The following SEL1L2 variants were observed in gnomAD, a reference collection of about 807,000 sequenced individuals.
The protein encoded by SEL1L2 is protein sel-1 homolog 2.
In SEL1L2, 89 loss-of-function variants were observed where a neutral mutation model predicts 98.8. That is an observed-to-expected ratio of 0.90 (90% CI 0.76 to 1.07). SEL1L2 has a LOEUF of 1.07. SEL1L2 is among the 50% of genes least tolerant of loss of function. SEL1L2 has a pLI of 0.00. For missense variants in SEL1L2, 788 were observed against 812.0 expected, an observed-to-expected ratio of 0.97 and a Z score of 0.36; for synonymous variants, 262 against 278.5, an observed-to-expected ratio of 0.94 and a Z score of 0.59.
intron 1 of SEL1L2, among the ~76,000 whole-genome samples, chr20:13,966,612 G>A (rs1313591928): frequency 3.3e-5 from 5 of 152,062 alleles, no homozygotes; most frequent in African/African-American, 4.8e-5. Flanking sequence ...GAGCCACTGC[G>A]CCTGGCCACC....
At chr20:13,981,166 C>T (rs1238553177) in intron 1 of SEL1L2, among the ~76,000 whole-genome samples, 3 of 152,084 alleles carry the variant, frequency 2.0e-5, no homozygotes, top group Non-Finnish European at 4.4e-5. Context: ...CACTTGAACT[C>T]GGGAGGTGGA....
At chr20:13,879,370 G>C (rs897926330) in intron 10 of SEL1L2, among the ~76,000 whole-genome samples, 5 of 151,776 alleles carry the variant, frequency 3.3e-5, no homozygotes, top group African/African-American at 1.2e-4. Context: ...AAATTTTTTT[G>C]AGACAGAGTC....
chr20:13,888,039 CAG>C (rs757244871), intron 6 of SEL1L2, 38 bp from the exon 7 acceptor site: 1 of 1,573,016 alleles, frequency 6.4e-7, no homozygotes, highest in Non-Finnish European at 8.7e-7. Flanking sequence ...CCCCCCAAAC[CAG>C]GTTGGCCATT....
intron 2 of SEL1L2, among the ~76,000 whole-genome samples, chr20:13,953,590 T>A (rs1347538382): frequency 6.6e-6 from 1 of 152,132 alleles, no homozygotes; most frequent in Non-Finnish European, 1.5e-5. Flanking sequence ...ATGAGGTGAA[T>A]CCTTGGGAAG....
At chr20:13,856,766 T>A (rs1989232389) in intron 18 of SEL1L2, among the ~76,000 whole-genome samples, 2 of 152,272 alleles carry the variant, frequency 1.3e-5, no homozygotes, top group Admixed American at 1.3e-4. Flanking sequence ...AGGTCTTAAA[T>A]GTCTGCATGT....
At chr20:13,964,852 C>T (rs1350316789) in intron 1 of SEL1L2, among the ~76,000 whole-genome samples, 3 of 152,094 alleles carry the variant, frequency 2.0e-5, no homozygotes, top group Admixed American at 2.0e-4. Flanking sequence ...TTGTCTCATT[C>T]AATGACATCT....
At chr20:13,861,115 CTTTT>C (rs1046783082) in intron 17 of SEL1L2, among the ~76,000 whole-genome samples, 9 of 152,214 alleles carry the variant, frequency 5.9e-5, no homozygotes, top group Admixed American at 2.6e-4. Context: ...TCAAACCCTT[CTTTT>C]ATCTTCACTT....
chr20:13,989,721 T>C (rs1362974878), intron 1 of SEL1L2, among the ~76,000 whole-genome samples: 1 of 152,260 alleles, frequency 6.6e-6, no homozygotes, highest in African/African-American at 2.4e-5. Context: ...GATCATGTGA[T>C]CTTTGTCTTT....
chr20:13,948,244 TC>T (rs2050107787), intron 2 of SEL1L2, among the ~76,000 whole-genome samples: 2 of 148,542 alleles, frequency 1.3e-5, no homozygotes, highest in South Asian at 4.2e-4. Context: ...CTTTTTTTTT[TC>T]AGAAATAGAG....
intron 2 of SEL1L2, among the ~76,000 whole-genome samples, chr20:13,953,394 G>A (rs2050366406): frequency 6.6e-6 from 1 of 152,126 alleles, no homozygotes; most frequent in African/African-American, 2.4e-5. Flanking sequence ...GACCTCTGAG[G>A]GAGCTCCAAT....
chr20:13,990,586 T>C lies in SEL1L2; in HGVS notation c.-52A>G. 1 of 1,421,628 alleles carries C rather than the reference T, an allele frequency of 7.0e-7. No individual in the cohort carries two copies. Among genetic ancestry groups the C allele is most frequent in the South Asian group, 1.2e-5 (1 of 85,484 alleles). The allele number at this position is 1,421,628 out of a possible 1,614,324, so 88.1% of individuals were successfully genotyped here. On this transcript the variant is annotated 5_prime_UTR_variant, in exon 1 of 20. Coordinates refer to ENST00000284951, the MANE Select transcript of SEL1L2 (RefSeq NM_025229.2). ...GTAACACAGGCAGAAACTAGGTGAT[T>C]GGCCCAAGAGCTCCTCTTCTCAGGG...
At chr20:13,900,507 C>CA (rs1359350816) in intron 5 of SEL1L2, among the ~76,000 whole-genome samples, 2 of 152,066 alleles carry the variant, frequency 1.3e-5, no homozygotes, top group Non-Finnish European at 2.9e-5. Context: ...CCCAGAAAAA[C>CA]AAAAAACAGT....
chr20:13,916,844 G>A (rs1002700488), intron 4 of SEL1L2, among the ~76,000 whole-genome samples: 4 of 152,050 alleles, frequency 2.6e-5, no homozygotes, highest in African/African-American at 7.2e-5. Flanking sequence ...ACTGAGTTTT[G>A]GGGCAAGGAT....
At chr20:13,963,065 C>A (rs1269336461) in intron 1 of SEL1L2, among the ~76,000 whole-genome samples, 36 of 140,678 alleles carry the variant, frequency 2.6e-4, no homozygotes, top group South Asian at 9.1e-4. Flanking sequence ...GACTCCATCT[C>A]AAAAAAAAAA....
chr20:13,958,991 A>G (rs764748557), intron 1 of SEL1L2, among the ~76,000 whole-genome samples: 3 of 151,830 alleles, frequency 2.0e-5, no homozygotes, highest in Non-Finnish European at 2.9e-5. Flanking sequence ...GTGGGCGGCC[A>G]TCGGAAATTG....
At position 13,869,561 on chromosome 20, in the gene SEL1L2, C is replaced by A; in HGVS notation, c.1197G>T (p.Gln399His). Residue 399 changes from glutamine (Q) to histidine (H), a missense_variant, in exon 14 of 20, where the codon CAG becomes CAT. Coordinates refer to ENST00000284951, the MANE Select transcript of SEL1L2 (RefSeq NM_025229.2). ...LNYAEALKYF[Q>H]KAAEKGWPDA... ...CGGGCCACCCTTTTTCCGCAGCTTT[C>A]TGAAAGTATTTAAGTGCTTCGGCAT... 1 of 1,614,132 alleles carries A rather than the reference C, an allele frequency of 6.2e-7. No individual in the cohort carries two copies. Among genetic ancestry groups the A allele is most frequent in the Non-Finnish European group, 8.5e-7 (1 of 1,179,998 alleles).
At chr20:13,929,681 T>C (rs2049051998) in intron 3 of SEL1L2, among the ~76,000 whole-genome samples, 1 of 151,788 alleles carries the variant, frequency 6.6e-6, no homozygotes, top group Non-Finnish European at 1.5e-5. Context: ...TTTGTATTTT[T>C]AGCAGAGACG....
At chr20:13,955,896 AC>A (rs1276981367) in intron 2 of SEL1L2, among the ~76,000 whole-genome samples, 179 bp downstream of exon 2, 1 of 152,150 alleles carries the variant, frequency 6.6e-6, no homozygotes, top group Non-Finnish European at 1.5e-5. Flanking sequence ...AGGCCTGAAG[AC>A]AGTCTTATCC....
chr20:13,968,012 T>C lies in SEL1L2; in HGVS notation c.59-11881A>G, dbSNP rs147628238. 7.2e-3 allele frequency among the ~76,000 whole-genome samples: 1,091 copies of C among 152,302 alleles called. 20 individuals are homozygous for C. The highest frequency in any genetic ancestry group is 0.034 in the Admixed American group (524 of 15,302). On this transcript the variant is annotated intron_variant, in intron 1 of 19. Transcript: ENST00000284951. ...TATATTTGGTAATAGGCTAATGGCTTAGTTATATAAATTAAAATATAGTAG... is the reference window on the plus strand; with the variant it reads ...TATATTTGGTAATAGGCTAATGGCTCAGTTATATAAATTAAAATATAGTAG...
Sources: allele counts gnomAD v4.1 joint callset (sites outside exome capture counted in the v4.1 genomes callset), GRCh38; gene constraint gnomAD v4.1.1; transcripts MANE v1.5; gene names NCBI Gene and HGNC (gene_info 2026-07-23, HGNC 2026-07-21).